STK3: variants seen among roughly 807,000 people sequenced by gnomAD.
The protein encoded by STK3 is serine/threonine kinase 3, also known as serine/threonine-protein kinase 3.
Under a neutral mutation model 58.0 loss-of-function variants are expected in STK3, and 41 were observed. The ratio of observed to expected loss-of-function variants is 0.71; its 90% CI spans 0.55 to 0.92. The LOEUF (loss-of-function observed/expected upper bound fraction) is 0.92. Ranked by LOEUF, STK3 falls within the 40% of genes least tolerant of loss-of-function variation. The pLI, the probability that STK3 is intolerant of heterozygous loss-of-function variation, is 0.00. For missense variants in STK3, 479 were observed against 602.7 expected, an observed-to-expected ratio of 0.79 and a Z score of 2.15; for synonymous variants, 170 against 191.0, an observed-to-expected ratio of 0.89 and a Z score of 0.91.
intron 1 of STK3, among the ~76,000 whole-genome samples, chr8:98,915,567 T>G (rs1320272207): frequency 6.6e-6 from 1 of 150,684 alleles, no homozygotes; most frequent in Non-Finnish European, 1.5e-5. Context: ...ACAAAAGTTT[T>G]TATTTGGATA....
chr8:98,375,787 A>G (rs1206456281), intron 2 of STK3, among the ~76,000 whole-genome samples: 4 of 152,184 alleles, frequency 2.6e-5, no homozygotes, highest in Non-Finnish European at 5.9e-5. Flanking sequence ...TATAGATGCA[A>G]CACAGATGTC....
chr8:98,567,051 G>A (rs1812537009), intron 8 of STK3, among the ~76,000 whole-genome samples: 2 of 152,078 alleles, frequency 1.3e-5, no homozygotes, highest in South Asian at 4.1e-4. Context: ...CAAACAAGAG[G>A]TTGCAATGCA....
chr8:98,893,524 GAAAGAAAGAAAGAAAA>G (rs1564087557), intron 1 of STK3, among the ~76,000 whole-genome samples: 2 of 136,376 alleles, frequency 1.5e-5, no homozygotes, highest in Non-Finnish European at 3.2e-5. Context: ...AAGAAAGAAA[GAAAGAAAGAAAGAAAA>G]AGAAAGAGAA....
chr8:98,651,514 A>G (rs1314328130), intron 6 of STK3: 5 of 152,272 alleles, frequency 3.3e-5, no homozygotes, highest in African/African-American at 1.2e-4. Flanking sequence ...GAGTTGAGAG[A>G]AGAAGGCTTC....
At chr8:98,559,440 T>C (rs949630937) in intron 8 of STK3, among the ~76,000 whole-genome samples, 1 of 152,152 alleles carries the variant, frequency 6.6e-6, no homozygotes, top group African/African-American at 2.4e-5. Flanking sequence ...AACTGAAGCC[T>C]GGAGGAGCCC....
intron 3 of STK3, among the ~76,000 whole-genome samples, chr8:98,411,853 G>A (rs1258421773): frequency 6.6e-5 from 10 of 152,224 alleles, no homozygotes; most frequent in African/African-American, 1.9e-4. Context: ...TCTCCCATTC[G>A]TCTTGCTTCT....
At chr8:98,599,446 GTT>G (rs1015206741) in intron 6 of STK3, among the ~76,000 whole-genome samples, 1 of 147,896 alleles carries the variant, frequency 6.8e-6, no homozygotes, top group African/African-American at 2.5e-5. Flanking sequence ...GTATCATTTT[GTT>G]TTTTTTTTCC....
chr8:98,692,469 A>C (rs1487706482), intron 6 of STK3, among the ~76,000 whole-genome samples: 1 of 152,228 alleles, frequency 6.6e-6, no homozygotes, highest in African/African-American at 2.4e-5. Flanking sequence ...CACACACAAA[A>C]GAACAAATAT....
chr8:98,652,874 A>T (rs1286691391), intron 6 of STK3, among the ~76,000 whole-genome samples: 8 of 151,380 alleles, frequency 5.3e-5, no homozygotes, highest in Non-Finnish European at 1.0e-4. Context: ...CTCCCACACA[A>T]TAATAATGGG....
intron 1 of STK3, among the ~76,000 whole-genome samples, chr8:98,448,927 G>T (rs757240735): frequency 6.6e-6 from 1 of 152,146 alleles, no homozygotes; most frequent in East Asian, 1.9e-4. Context: ...TAGTAAAAAT[G>T]GAAAAATACA....
intron 10 of STK3, among the ~76,000 whole-genome samples, chr8:98,503,592 G>A (rs1475561020): frequency 6.6e-6 from 1 of 152,178 alleles, no homozygotes; most frequent in African/African-American, 2.4e-5. Flanking sequence ...AGAGAATCTG[G>A]TACGTTGTGT....
chr8:98,523,075 A>G (rs962282826), intron 10 of STK3, among the ~76,000 whole-genome samples: 2 of 152,184 alleles, frequency 1.3e-5, no homozygotes, highest in Non-Finnish European at 2.9e-5. Flanking sequence ...GAATTGCTGG[A>G]TTATATGATA....
At chr8:98,391,684 C>G (rs1375027447), upstream of STK3, among the ~76,000 whole-genome samples, 1 of 152,172 alleles carries the variant, frequency 6.6e-6, no homozygotes, top group East Asian at 1.9e-4. Flanking sequence ...ACTATTTGCT[C>G]TTGAGCGTCC....
At chr8:98,524,543 G>A (rs1009437820) in intron 10 of STK3, among the ~76,000 whole-genome samples, 5 of 152,118 alleles carry the variant, frequency 3.3e-5, no homozygotes, top group African/African-American at 1.2e-4. Flanking sequence ...GCAGTTTTCA[G>A]TGTACAAGTC....
chr8:98,743,901 C>T (rs1469218114), intron 4 of STK3, among the ~76,000 whole-genome samples: 1 of 152,098 alleles, frequency 6.6e-6, no homozygotes, highest in Admixed American at 6.5e-5. Flanking sequence ...AAAAAACAAC[C>T]CCATCAAAAG....
At chr8:98,863,056 A>C (rs1396809033) in intron 3 of STK3, among the ~76,000 whole-genome samples, 1 of 152,160 alleles carries the variant, frequency 6.6e-6, no homozygotes, top group Non-Finnish European at 1.5e-5. Flanking sequence ...AAGTGAGTGG[A>C]GCCCAAGCCT....
rs943820058 is a variant in STK3 at position 98,764,351 on chromosome 8, A to C, written c.236+2892T>G. ...TCCTTGTACTCCTCATACATACCACACCCTTTCATTCATTCATCAAAAAGT... is the reference window on the plus strand; with the variant it reads ...TCCTTGTACTCCTCATACATACCACCCCCTTTCATTCATTCATCAAAAAGT... On this transcript the variant is annotated intron_variant, in intron 3 of 10. Coordinates refer to ENST00000419617, the MANE Select transcript of STK3 (RefSeq NM_006281.4). Among the ~76,000 whole-genome samples the C allele has an allele frequency of 2.0e-5, 3 of 152,222 alleles. No individual in the cohort carries two copies. The South Asian group carries it at 6.2e-4, about 32-fold the overall frequency.
At chr8:98,380,212 C>T (rs990854758) in intron 1 of STK3, among the ~76,000 whole-genome samples, 27 of 152,158 alleles carry the variant, frequency 1.8e-4, no homozygotes, top group African/African-American at 5.8e-4. Flanking sequence ...AAGGTGAATA[C>T]GCTCTACGTT....
rs912597662 is a variant in STK3, at chr8:98,382,602, G to A, written n.57-3395C>T. On this transcript the variant is annotated intron_variant and non_coding_transcript_variant, in intron 1 of 2. Transcript: ENST00000518704. ...CTGCTTTTTTAGCTCTCAGACTTGA[G>A]AGACCTGCCCGGGCTGCTCCATGAG... Among the ~76,000 whole-genome samples, 7 of 152,058 alleles carry A rather than the reference G, an allele frequency of 4.6e-5. 1 individual carries two copies. The highest frequency in any genetic ancestry group is 6.5e-5 in the Admixed American group (1 of 15,278).
Sources: gnomAD v4.1 joint callset for allele counts (sites outside exome capture counted in the v4.1 genomes callset) on GRCh38, gnomAD v4.1.1 for gene constraint, MANE v1.5 for transcripts, NCBI Gene and HGNC (gene_info 2026-07-23, HGNC 2026-07-21) for gene names.